TRIO: variants seen among roughly 807,000 people sequenced by gnomAD.
TRIO encodes triple functional domain protein.
A neutral mutation model predicts 351.9 loss-of-function variants in TRIO; 58 were observed. That is an observed-to-expected ratio of 0.16 (90% CI 0.13 to 0.21). The LOEUF is 0.21. Among genes scored for constraint, TRIO ranks in the 10% least tolerant of loss-of-function variants. The pLI, the probability that TRIO is intolerant of heterozygous loss-of-function variation, is 1.00. For missense variants in TRIO, 3,201 were observed against 4,027.8 expected (o/e 0.79, Z 5.56); for synonymous variants, 1,758 against 1,595.7 (o/e 1.10, Z -2.42).
intron 34 of TRIO, among the ~76,000 whole-genome samples, chr5:14,452,096 T>C (rs1752886865): frequency 1.3e-5 from 2 of 152,212 alleles, no homozygotes; most frequent in South Asian, 4.1e-4. Context: ...TGTGCATGTT[T>C]GGCTGACGTT....
intron 21 of TRIO, among the ~76,000 whole-genome samples, chr5:14,383,078 A>G (rs1359140511): frequency 1.3e-5 from 2 of 152,158 alleles, no homozygotes; most frequent in Non-Finnish European, 2.9e-5. Context: ...TCCTGAGCTC[A>G]AGGGAGGCTG....
intron 1 of TRIO, among the ~76,000 whole-genome samples, chr5:14,159,078 G>A (rs999447069): frequency 2.0e-5 from 3 of 152,136 alleles, no homozygotes; most frequent in East Asian, 1.9e-4. Context: ...GGGTTCTGCC[G>A]GGGGTGGAAT....
chr5:14,427,978 T>C (rs377105644), intron 34 of TRIO, among the ~76,000 whole-genome samples: 2 of 152,230 alleles, frequency 1.3e-5, no homozygotes, highest in South Asian at 4.1e-4. Context: ...CAGAAGCCTC[T>C]GTGACCAAAC....
chr5:14,319,178 G>GT (rs1739648564), intron 9 of TRIO, among the ~76,000 whole-genome samples: 1 of 152,304 alleles, frequency 6.6e-6, no homozygotes, highest in Non-Finnish European at 1.5e-5. Context: ...AGGAGAAAGT[G>GT]TTTTTTGCAA....
intron 53 of TRIO, among the ~76,000 whole-genome samples, chr5:14,500,167 G>T (rs1757179983): frequency 6.6e-6 from 1 of 152,026 alleles, no homozygotes; most frequent in Non-Finnish European, 1.5e-5. Flanking sequence ...GTCTTCAGAA[G>T]AATTATCTTA....
At chr5:14,460,872 C>G (rs1753729060) in intron 34 of TRIO, 147 bp from the exon 35 acceptor site, 1 of 851,702 alleles carries the variant, frequency 1.2e-6, no homozygotes, top group African/African-American at 1.7e-5. Flanking sequence ...AAGCATCAGC[C>G]CCTGTCATCT....
rs58856067 is a variant in TRIO at position 14,199,195 on chromosome 5, CAAAAAAA to C, written c.157+55331_157+55337del. ...CCAGCCTGGGCAACAGAGTGGGACT[CAAAAAAA>C]AAAAAAAAAAAAAAAAACCTCCCTA... On this transcript the variant is annotated intron_variant, in intron 1 of 56. Transcript: ENST00000344204. Among the ~76,000 whole-genome samples the C allele has an allele frequency of 8.4e-3, 621 of 74,270 alleles. 3 individuals carry two copies. Among genetic ancestry groups the C allele is most frequent in the African/African-American group, 0.025 (549 of 21,962 alleles). 48.7% of individuals were successfully genotyped at this position (74,270 alleles called of 152,430 possible). A position where few individuals can be genotyped will look rare whatever the true frequency, so the allele number is the denominator to read the frequency against.
intron 1 of TRIO, among the ~76,000 whole-genome samples, chr5:14,259,380 G>A (rs30605): frequency 0.18 from 26,954 of 152,276 alleles, 2,675 homozygotes; most frequent in East Asian, 0.37. Flanking sequence ...TGAGGGGAAA[G>A]GGGTAGGAGG....
At chr5:14,435,012 T>TG (rs367547675) in intron 34 of TRIO, among the ~76,000 whole-genome samples, 1 of 152,352 alleles carries the variant, frequency 6.6e-6, no homozygotes, top group African/African-American at 2.4e-5. Flanking sequence ...CCCTTCTCCG[T>TG]GCATCACGTC....
At chr5:14,388,550 A>G in intron 23 of TRIO, 63 bp from the exon 24 acceptor site, 2 of 1,477,404 alleles carry the variant, frequency 1.4e-6, no homozygotes, top group East Asian at 2.3e-5. Context: ...ATAAATCCAT[A>G]AAAGTAGATA....
chr5:14,427,651 G>A (rs538977814), intron 34 of TRIO, among the ~76,000 whole-genome samples: 6 of 152,260 alleles, frequency 3.9e-5, no homozygotes, highest in East Asian at 3.9e-4. Context: ...ACAGGGCCGC[G>A]GCCTTGTCCT....
intron 41 of TRIO, among the ~76,000 whole-genome samples, chr5:14,477,812 A>G (rs186784057): frequency 6.6e-6 from 1 of 152,332 alleles, no homozygotes; most frequent in East Asian, 1.9e-4. Context: ...CCAGAGGTTG[A>G]CACGTTTCAT....
chr5:14,489,594 A>T (rs1756322804), intron 48 of TRIO, among the ~76,000 whole-genome samples: 1 of 152,182 alleles, frequency 6.6e-6, no homozygotes, highest in South Asian at 2.1e-4. Flanking sequence ...TAGCATCTAG[A>T]GCTCATCATA....
At chr5:14,338,468 T>A (rs1459988185) in intron 11 of TRIO, among the ~76,000 whole-genome samples, 1 of 152,204 alleles carries the variant, frequency 6.6e-6, no homozygotes, top group Non-Finnish European at 1.5e-5. Flanking sequence ...TAGAGCTCCC[T>A]CTACATGCAC....
chr5:14,156,582 G>A (rs930648889), intron 1 of TRIO, among the ~76,000 whole-genome samples: 11 of 152,072 alleles, frequency 7.2e-5, no homozygotes, highest in South Asian at 2.1e-4. Flanking sequence ...TTCCTCTTCC[G>A]TATTTGTAAT....
At chr5:14,202,083 G>A (rs570984350) in intron 1 of TRIO, among the ~76,000 whole-genome samples, 12 of 151,150 alleles carry the variant, frequency 7.9e-5, no homozygotes, top group Admixed American at 3.3e-4. Context: ...AAACCTGCAC[G>A]TTGTGCACAT....
intron 48 of TRIO, 166 bp downstream of exon 48, chr5:14,488,426 C>A (rs545151674): frequency 6.9e-4 from 686 of 989,932 alleles, no homozygotes; most frequent in Non-Finnish European, 8.6e-4. Flanking sequence ...CGGCCCACGG[C>A]GCTACTAACT....
At chr5:14,410,561 G>A (rs1314715521) in intron 33 of TRIO, among the ~76,000 whole-genome samples, 3 of 152,202 alleles carry the variant, frequency 2.0e-5, no homozygotes, top group Admixed American at 2.0e-4. Context: ...GATGGATCTG[G>A]CAAGGGAAAT....
intron 1 of TRIO, among the ~76,000 whole-genome samples, chr5:14,268,097 T>TG (rs912078679): frequency 1.3e-5 from 2 of 152,160 alleles, no homozygotes; most frequent in African/African-American, 2.4e-5. Flanking sequence ...TTCCTTAATT[T>TG]GGGGGGAAAC....
Sources: allele counts gnomAD v4.1 joint callset (sites outside exome capture counted in the v4.1 genomes callset), GRCh38; gene constraint gnomAD v4.1.1; transcripts MANE v1.5; gene names NCBI Gene and HGNC (gene_info 2026-07-23, HGNC 2026-07-21).